XCR1: variants seen among roughly 807,000 people sequenced by gnomAD.
XCR1 encodes chemokine XC receptor 1.
For synonymous variants in XCR1, 187 were observed against 188.5 expected (o/e 0.99, Z 0.06); for missense variants, 356 against 424.2 (o/e 0.84, Z 1.41).
intron 1 of XCR1, chr3:46,023,594 C>A (rs1708215305): frequency 3.6e-6 from 5 of 1,391,764 alleles, no homozygotes; most frequent in Non-Finnish European, 4.1e-6. Flanking sequence ...CATCTTCAGG[C>A]ATCTCACAAA....
At chr3:46,083,987 C>A (rs1698425623) in intron 1 of XCR1, among the ~76,000 whole-genome samples, 3 of 152,290 alleles carry the variant, frequency 2.0e-5, no homozygotes, top group African/African-American at 7.2e-5. Flanking sequence ...TTATATATTT[C>A]TATTATTCCA....
chr3:46,040,265 T>C (rs1377512383), intron 5 of XCR1, among the ~76,000 whole-genome samples: 2 of 152,152 alleles, frequency 1.3e-5, no homozygotes, highest in African/African-American at 2.4e-5. Flanking sequence ...AAATAAATGA[T>C]TATTTTATAG....
intron 5 of XCR1, among the ~76,000 whole-genome samples, chr3:46,044,131 G>A (rs931968469): frequency 6.6e-6 from 1 of 152,138 alleles, no homozygotes; most frequent in Non-Finnish European, 1.5e-5. Context: ...AGGTAGCTGG[G>A]ATTATAGGTG....
intron 5 of XCR1, among the ~76,000 whole-genome samples, chr3:46,051,116 C>T (rs1697736160): frequency 1.3e-5 from 2 of 152,180 alleles, no homozygotes; most frequent in South Asian, 4.1e-4. Flanking sequence ...TCAATGACCC[C>T]CGTCAGAAAT....
chr3:46,083,565 A>G (rs1304354687), intron 1 of XCR1, among the ~76,000 whole-genome samples: 4 of 152,166 alleles, frequency 2.6e-5, no homozygotes, highest in African/African-American at 7.2e-5. Context: ...TTCTTTGAGA[A>G]TACTTTTGCC....
chr3:46,029,485 C>T (rs756364261), upstream of XCR1, among the ~76,000 whole-genome samples: 9 of 152,092 alleles, frequency 5.9e-5, no homozygotes, highest in Non-Finnish European at 1.0e-4. Context: ...TGATTTTTGA[C>T]AAGGGTCAAA....
intron 1 of XCR1, chr3:46,023,279 T>C: frequency 1.3e-6 from 1 of 749,322 alleles, no homozygotes. Context: ...CTCCCCTTCC[T>C]AAGGCTGCTG....
chr3:46,058,516 G>A (rs2125900571), intron 4 of XCR1, among the ~76,000 whole-genome samples: 1 of 152,202 alleles, frequency 6.6e-6, no homozygotes. Context: ...GTATTACAAT[G>A]CAAATTGAAT....
At chr3:46,082,083 T>G (rs1214504995) in intron 1 of XCR1, among the ~76,000 whole-genome samples, 1 of 152,200 alleles carries the variant, frequency 6.6e-6, no homozygotes, top group Non-Finnish European at 1.5e-5. Context: ...AGATTCATAT[T>G]TCTCATTTTA....
intron 5 of XCR1, among the ~76,000 whole-genome samples, chr3:46,033,829 T>C (rs1220020825): frequency 6.6e-6 from 1 of 152,218 alleles, no homozygotes; most frequent in Non-Finnish European, 1.5e-5. Context: ...AGGTCTTCGT[T>C]GATTTCTTTT....
At chr3:46,065,761 A>G (rs6786959) in intron 4 of XCR1, among the ~76,000 whole-genome samples, 120,431 of 152,138 alleles carry the variant, frequency 0.79, 47,972 homozygotes, top group East Asian at 0.99. Context: ...GCTTCAGAGA[A>G]TGACCAAGGT....
chr3:46,021,058 T>C lies in XCR1; in HGVS notation c.890A>G (p.His297Arg). The change falls in exon 2 of 2, where the codon CAC (histidine) becomes CGC (arginine). Residue 297 changes from histidine (H) to arginine (R), a missense_variant. Transcript: ENST00000309285. This position sits in a 1 kb window ranked among gnomAD's most constrained non-coding sequence, Gnocchi z 4.7. The stretch of plus-strand genomic sequence containing the variant: ...GAACTGCCGGAGAACATGTTTCAGG[T>C]GTGTGCGGAACTTGACCCCCACGAA... ...YVFVGVKFRT[H>R]LKHVLRQFWF... 2 of 1,614,044 alleles carry C rather than the reference T, an allele frequency of 1.2e-6. No individual in the cohort carries two copies. The highest frequency in any genetic ancestry group is 1.7e-6 in the Non-Finnish European group (2 of 1,179,984).
At chr3:46,031,208 C>CT (rs1708388691), upstream of XCR1, among the ~76,000 whole-genome samples, 1 of 152,214 alleles carries the variant, frequency 6.6e-6, no homozygotes, top group African/African-American at 2.4e-5. Flanking sequence ...CAGGCAGGAG[C>CT]CCCGCCCTCC....
chr3:46,068,781 C>CGTGTGT (rs10583362), intron 3 of XCR1, among the ~76,000 whole-genome samples: 4 of 150,166 alleles, frequency 2.7e-5, no homozygotes, highest in African/African-American at 9.8e-5. Flanking sequence ...ACATCATGGA[C>CGTGTGT]GTGTGTGTGT....
In XCR1 at chr3:46,021,588, C is replaced by T. The variant is rs1184389153; in HGVS notation, c.360G>A (p.Leu120=). The change falls in exon 2 of 2, where the codon CTG becomes CTA. Residue 120 remains leucine, a synonymous_variant. Coordinates refer to ENST00000309285, the MANE Select transcript of XCR1 (RefSeq NM_001024644.2). The surrounding 1 kb of genome is among the most constrained non-coding windows in gnomAD (Gnocchi z 4.7). ...SISLYSSIFF[L]TIMTIHRYLS... The stretch of plus-strand genomic sequence containing the variant: ...GGTAGCGGTGGATGGTCATGATGGT[C>T]AGGAAGAAGATGCTGCTGTAGAGGC... The T allele has an allele frequency of 6.2e-7, 1 of 1,611,908 alleles. No homozygotes were observed. Among genetic ancestry groups the T allele is most frequent in the African/African-American group, 1.3e-5 (1 of 74,780 alleles).
At position 46,036,995 on chromosome 3, in the gene XCR1, C is replaced by T. The variant is rs138352467; in HGVS notation, c.-31-15017G>A. 7.2e-5 allele frequency among the ~76,000 whole-genome samples: 11 copies of T among 152,192 alleles called. No homozygotes were observed. In the East Asian group the frequency reaches 2.1e-3, roughly 29 times the overall value. ...AACTTATAATCTTAAAAGTTATTTT[C>T]AATGCTTATTGGATGCCTGAGTCAT... On this transcript the variant is annotated intron_variant, in intron 5 of 5. Coordinates refer to the XCR1 transcript ENST00000683768.
chr3:46,033,463 G>A (rs149422735), intron 5 of XCR1, among the ~76,000 whole-genome samples: 3 of 152,010 alleles, frequency 2.0e-5, no homozygotes, highest in African/African-American at 7.2e-5. Context: ...TTACCTATAC[G>A]TCTTTGACAA....
intron 1 of XCR1, among the ~76,000 whole-genome samples, chr3:46,081,129 C>T (rs546819533): frequency 1.6e-4 from 24 of 152,270 alleles, no homozygotes; most frequent in Admixed American, 9.2e-4. Context: ...AGCTCCAGAA[C>T]GGCCAAGAAA....
chr3:46,083,966 T>G (rs1698425355), intron 1 of XCR1, among the ~76,000 whole-genome samples: 1 of 152,238 alleles, frequency 6.6e-6, no homozygotes, highest in African/African-American at 2.4e-5. Context: ...TTGGTTCTAA[T>G]CCTATGTGCA....
Sources: gnomAD v4.1 joint callset for allele counts (sites outside exome capture counted in the v4.1 genomes callset) on GRCh38, gnomAD v4.1.1 for gene constraint, Gnocchi (gnomAD v3.1) non-coding constraint, MANE v1.5 for transcripts, NCBI Gene and HGNC (gene_info 2026-07-23, HGNC 2026-07-21) for gene names.